The following ATP10B variants were observed in gnomAD, a reference collection of about 807,000 sequenced individuals.
ATP10B encodes phospholipid-transporting ATPase VB.
In ATP10B, 122 loss-of-function variants were observed where a neutral mutation model predicts 141.2. That is an observed-to-expected ratio of 0.86 (90% CI 0.75 to 1.00). ATP10B has a LOEUF of 1.00. Ranked by LOEUF, ATP10B falls within the 50% of genes least tolerant of loss-of-function variation. The probability of loss-of-function intolerance (pLI) is 0.00; values close to 1 mark genes in which losing one functional copy is unlikely to be tolerated. For synonymous variants in ATP10B, 685 were observed against 692.0 expected (o/e 0.99, Z 0.16); for missense variants, 1,876 against 1,825.3 (o/e 1.03, Z -0.51).
chr5:160,730,126 C>G (rs1265124630), intron 2 of ATP10B, among the ~76,000 whole-genome samples: 1 of 151,870 alleles, frequency 6.6e-6, no homozygotes. Flanking sequence ...AGGCACTATG[C>G]ACGATGATTT....
At chr5:160,727,257 A>C (rs1194384917) in intron 2 of ATP10B, among the ~76,000 whole-genome samples, 1 of 152,220 alleles carries the variant, frequency 6.6e-6, no homozygotes, top group Non-Finnish European at 1.5e-5. Flanking sequence ...CAAACACCAC[A>C]AGGGATAGGC....
chr5:160,892,155 T>C, the ATP10B span, among the ~76,000 whole-genome samples: 1 of 152,218 alleles, frequency 6.6e-6, no homozygotes, highest in Non-Finnish European at 1.5e-5. Flanking sequence ...GATTAAACCT[T>C]CCTATGGCTT....
intron 22 of ATP10B, among the ~76,000 whole-genome samples, chr5:160,597,218 C>T (rs1161913960): frequency 6.6e-6 from 1 of 152,178 alleles, no homozygotes; most frequent in Admixed American, 6.5e-5. Flanking sequence ...TGGAACAGAA[C>T]AAAGCCCTCA....
intron 1 of ATP10B, among the ~76,000 whole-genome samples, chr5:160,821,256 C>T (rs974456921): frequency 1.1e-4 from 16 of 151,778 alleles, no homozygotes; most frequent in African/African-American, 3.1e-4. Flanking sequence ...CAAGTAATTC[C>T]ATTTATAATA....
At chr5:160,900,679 T>C in the ATP10B span, among the ~76,000 whole-genome samples, 2 of 152,178 alleles carry the variant, frequency 1.3e-5, no homozygotes, top group South Asian at 2.1e-4. Context: ...CTGTTACACA[T>C]AAAGAACACA....
At chr5:160,590,954 CTGCTCT>C in intron 23 of ATP10B, 99 bp downstream of exon 23, 1 of 925,012 alleles carries the variant, frequency 1.1e-6, no homozygotes, top group South Asian at 1.6e-5. Context: ...GTTTGAGCCT[CTGCTCT>C]AAAGTGTCCA....
intron 19 of ATP10B, among the ~76,000 whole-genome samples, chr5:160,606,237 A>G (rs1389024131): frequency 4.6e-5 from 7 of 152,130 alleles, no homozygotes. Flanking sequence ...CCTCTGAAAA[A>G]TTCTTTATCA....
intron 24 of ATP10B, among the ~76,000 whole-genome samples, chr5:160,584,176 G>A (rs980700977): frequency 3.9e-5 from 6 of 152,192 alleles, no homozygotes; most frequent in African/African-American, 7.2e-5. Context: ...GTAGGCACCC[G>A]AGAGAATCTC....
At chr5:160,747,939 C>T (rs573794011) in intron 2 of ATP10B, among the ~76,000 whole-genome samples, 14 of 146,636 alleles carry the variant, frequency 9.5e-5, no homozygotes, top group Admixed American at 2.8e-4. Context: ...GACCCTTAGC[C>T]AGACTGATGG....
At chr5:160,572,372 G>A (rs1754930776) in intron 24 of ATP10B, among the ~76,000 whole-genome samples, 2 of 152,104 alleles carry the variant, frequency 1.3e-5, no homozygotes, top group Admixed American at 1.3e-4. Flanking sequence ...ATCCAGGGAA[G>A]AAATAGATTC....
chr5:160,789,227 G>A (rs1771395345), intron 1 of ATP10B, among the ~76,000 whole-genome samples: 1 of 152,080 alleles, frequency 6.6e-6, no homozygotes, highest in Admixed American at 6.6e-5. Context: ...CAGTAGAAGT[G>A]GGTTTGAACT....
chr5:160,862,746 CA>C, the ATP10B span, among the ~76,000 whole-genome samples: 2 of 151,948 alleles, frequency 1.3e-5, no homozygotes, highest in Non-Finnish European at 2.9e-5. Context: ...AATCCTTTAT[CA>C]ATCTTTATTC....
At chr5:160,609,824 A>G (rs1350759748) in intron 18 of ATP10B, among the ~76,000 whole-genome samples, 1 of 152,234 alleles carries the variant, frequency 6.6e-6, no homozygotes, top group African/African-American at 2.4e-5. Context: ...GTGTATGCTT[A>G]TACCAGAGGC....
intron 16 of ATP10B, among the ~76,000 whole-genome samples, chr5:160,617,538 T>G (rs1162837926): frequency 6.6e-6 from 1 of 152,156 alleles, no homozygotes; most frequent in African/African-American, 2.4e-5. Context: ...GGTCCCCAAA[T>G]TTAAAGGAAA....
At chr5:160,775,600 C>T (rs1015322563) in intron 2 of ATP10B, among the ~76,000 whole-genome samples, 6 of 151,912 alleles carry the variant, frequency 3.9e-5, no homozygotes, top group Non-Finnish European at 7.4e-5. Flanking sequence ...TGTATGTTGC[C>T]TGGGTTCAAA....
At chr5:160,647,373 A>T (rs1357139867) in intron 8 of ATP10B, among the ~76,000 whole-genome samples, 1 of 152,128 alleles carries the variant, frequency 6.6e-6, no homozygotes, top group Non-Finnish European at 1.5e-5. Context: ...CCTTCATTCC[A>T]TGGGTTAGCT....
chr5:160,667,732 G>A (rs1227379210), intron 7 of ATP10B, among the ~76,000 whole-genome samples: 2 of 152,140 alleles, frequency 1.3e-5, no homozygotes, highest in African/African-American at 4.8e-5. Context: ...CTTCATTCCA[G>A]CTAAATCCCA....
At chr5:160,677,987 CTGAGGCTA>C (rs968997605) in intron 6 of ATP10B, among the ~76,000 whole-genome samples, 1 of 152,122 alleles carries the variant, frequency 6.6e-6, no homozygotes, top group Admixed American at 6.5e-5. Context: ...GACCAAGTGG[CTGAGGCTA>C]TGAGCCAGAT....
chr5:160,902,984 G>C, the ATP10B span, among the ~76,000 whole-genome samples: 1 of 152,306 alleles, frequency 6.6e-6, no homozygotes, highest in Non-Finnish European at 1.5e-5. Flanking sequence ...GAGGATCTGT[G>C]GATGCCAGCA....
Sources: allele counts gnomAD v4.1 joint callset (sites outside exome capture counted in the v4.1 genomes callset), GRCh38; gene constraint gnomAD v4.1.1; transcripts MANE v1.5; gene names NCBI Gene and HGNC (gene_info 2026-07-23, HGNC 2026-07-21).